The following MCU variants were observed in gnomAD, a reference collection of about 807,000 sequenced individuals.
MCU encodes the protein mitochondrial calcium uniporter, also known as calcium uniporter protein, mitochondrial.
MCU carries 12 observed loss-of-function variants against 45.2 expected under a neutral mutation model. The observed-to-expected ratio is 0.27, with a 90% CI of 0.17 to 0.43. The LOEUF (loss-of-function observed/expected upper bound fraction) is 0.43, where lower values mean the gene tolerates loss of function less well. Ranked by LOEUF, MCU falls within the 20% of genes least tolerant of loss-of-function variation. MCU has a pLI of 1.00. For synonymous variants in MCU, 160 were observed against 165.1 expected, an observed-to-expected ratio of 0.97 and a Z score of 0.24; for missense variants, 324 against 436.7, an observed-to-expected ratio of 0.74 and a Z score of 2.30.
At chr10:72,693,635 T>C (rs572429144) in intron 1 of MCU, among the ~76,000 whole-genome samples, 1 of 152,308 alleles carries the variant, frequency 6.6e-6, no homozygotes, top group South Asian at 2.1e-4. Context: ...TAGTCATAGG[T>C]ATGGACCCTA....
chr10:72,778,480 C>T (rs967584565), intron 1 of MCU, among the ~76,000 whole-genome samples: 3 of 151,896 alleles, frequency 2.0e-5, no homozygotes, highest in African/African-American at 4.8e-5. Flanking sequence ...AAGTGGATCT[C>T]ATGAAGATAG....
chr10:72,773,283 AG>A (rs1843839474), intron 1 of MCU, among the ~76,000 whole-genome samples: 1 of 152,200 alleles, frequency 6.6e-6, no homozygotes, highest in African/African-American at 2.4e-5. Context: ...TTTAACAAAG[AG>A]ATTGAAATAA....
chr10:72,885,647 G>A (rs1480821672), intron 7 of MCU, 98 bp from the exon 8 acceptor site: 1 of 780,570 alleles, frequency 1.3e-6, no homozygotes, highest in Non-Finnish European at 2.2e-6. Flanking sequence ...TGATCTCTCT[G>A]ACTTATAGTA....
At chr10:72,808,865 AG>A (rs933417773) in intron 1 of MCU, among the ~76,000 whole-genome samples, 3 of 152,166 alleles carry the variant, frequency 2.0e-5, no homozygotes, top group Non-Finnish European at 2.9e-5. Flanking sequence ...GAGAACAGCA[AG>A]GGGGAAATCC....
chr10:72,839,797 CAAA>C (rs758036618), intron 2 of MCU, among the ~76,000 whole-genome samples: 3 of 96,380 alleles, frequency 3.1e-5, no homozygotes, highest in Non-Finnish European at 4.4e-5. Context: ...ACTAAGAATA[CAAA>C]AAAAAAAAAA....
At chr10:72,748,696 T>TTC (rs983462997) in intron 1 of MCU, among the ~76,000 whole-genome samples, 1 of 152,092 alleles carries the variant, frequency 6.6e-6, no homozygotes, top group Non-Finnish European at 1.5e-5. Context: ...GTCTGGTTAA[T>TTC]TCATTCTCTG....
intron 1 of MCU, among the ~76,000 whole-genome samples, chr10:72,781,058 TA>T (rs201897381): frequency 1.3e-5 from 2 of 152,020 alleles, no homozygotes; most frequent in African/African-American, 2.4e-5. Context: ...ACTCAAAAAA[TA>T]AAAAAAATTT....
intron 2 of MCU, among the ~76,000 whole-genome samples, chr10:72,841,882 G>A (rs537050568): frequency 2.0e-5 from 3 of 152,314 alleles, no homozygotes; most frequent in African/African-American, 7.2e-5. Context: ...AATTTGGCAG[G>A]AGTTTTGCTT....
chr10:72,750,081 A>G (rs1315317645), intron 1 of MCU, among the ~76,000 whole-genome samples: 4 of 151,664 alleles, frequency 2.6e-5, no homozygotes, highest in African/African-American at 9.7e-5. Context: ...CACTGTGCCC[A>G]GCCTTTGCTA....
At chr10:72,719,540 T>A (rs1312040083) in intron 1 of MCU, among the ~76,000 whole-genome samples, 1 of 152,238 alleles carries the variant, frequency 6.6e-6, no homozygotes, top group Non-Finnish European at 1.5e-5. Flanking sequence ...TCCTTCCCAC[T>A]GATTGTTACA....
chr10:72,775,408 G>T (rs532158726), intron 1 of MCU, among the ~76,000 whole-genome samples: 1 of 152,146 alleles, frequency 6.6e-6, no homozygotes, highest in East Asian at 1.9e-4. Context: ...TAAGAGGGAA[G>T]TTTATGATGA....
At chr10:72,732,126 T>C (rs1313299928) in intron 1 of MCU, among the ~76,000 whole-genome samples, 2 of 152,224 alleles carry the variant, frequency 1.3e-5, no homozygotes, top group Non-Finnish European at 2.9e-5. Flanking sequence ...CATGTCTTTT[T>C]TATTTTAGCC....
chr10:72,797,333 C>T (rs1453329755), intron 1 of MCU, among the ~76,000 whole-genome samples: 2 of 151,238 alleles, frequency 1.3e-5, no homozygotes, highest in African/African-American at 4.9e-5. Flanking sequence ...AAGCGATTCT[C>T]CTGCCTCAGC....
chr10:72,797,875 A>G (rs1844275657), intron 1 of MCU, among the ~76,000 whole-genome samples: 1 of 152,144 alleles, frequency 6.6e-6, no homozygotes, highest in Non-Finnish European at 1.5e-5. Context: ...CCAAGGTAAT[A>G]GCTGTGCTAT....
At chr10:72,821,459 A>C (rs1404897959) in intron 1 of MCU, among the ~76,000 whole-genome samples, 1 of 152,200 alleles carries the variant, frequency 6.6e-6, no homozygotes, top group African/African-American at 2.4e-5. Context: ...AGTCTGGAGA[A>C]TGAAAGTGAC....
intron 1 of MCU, among the ~76,000 whole-genome samples, chr10:72,724,890 G>A (rs1439888212): frequency 6.6e-6 from 1 of 152,216 alleles, no homozygotes; most frequent in Non-Finnish European, 1.5e-5. Context: ...AGCACTTAGT[G>A]TTGAATAAAC....
intron 2 of MCU, among the ~76,000 whole-genome samples, chr10:72,857,919 C>G (rs528428279): frequency 7.5e-4 from 114 of 152,266 alleles, no homozygotes; most frequent in Non-Finnish European, 1.2e-3. Context: ...TCTTAAACAT[C>G]TGAGTTTTGG....
chr10:72,871,902 C>A (rs1265738776), intron 6 of MCU, among the ~76,000 whole-genome samples: 1 of 152,176 alleles, frequency 6.6e-6, no homozygotes, highest in African/African-American at 2.4e-5. Context: ...TGTAGGATAA[C>A]CTGTTCAGCT....
chr10:72,772,301 A>G (rs1333269331), intron 1 of MCU, among the ~76,000 whole-genome samples: 1 of 152,046 alleles, frequency 6.6e-6, no homozygotes, highest in Non-Finnish European at 1.5e-5. Context: ...TCCCTTTGGG[A>G]CCTCCCCTAT....
Sources: gnomAD v4.1 joint callset for allele counts (sites outside exome capture counted in the v4.1 genomes callset) on GRCh38, gnomAD v4.1.1 for gene constraint, MANE v1.5 for transcripts, NCBI Gene and HGNC (gene_info 2026-07-23, HGNC 2026-07-21) for gene names.